Variants in PCNX3 observed in about 807,000 individuals in gnomAD.
PCNX3 encodes the protein pecanex-like protein 3.
PCNX3 carries 58 observed loss-of-function variants against 207.2 expected under a neutral mutation model. The observed-to-expected ratio is 0.28, with a 90% CI of 0.23 to 0.35. PCNX3 has a LOEUF of 0.35. Ranked by LOEUF, PCNX3 falls within the 10% of genes least tolerant of loss-of-function variation. PCNX3 has a pLI of 1.00. For synonymous variants in PCNX3, 1,337 were observed against 1,183.5 expected, an observed-to-expected ratio of 1.13 and a Z score of -2.66; for missense variants, 2,410 against 2,774.4, an observed-to-expected ratio of 0.87 and a Z score of 2.95.
rs1311884471 is a variant in PCNX3 at position 65,625,345 on chromosome 11, C to T, written c.3030-60C>T. The T allele has an allele frequency of 6.3e-7, 1 of 1,593,396 alleles. No homozygotes were observed. The highest frequency in any genetic ancestry group is 1.7e-5 in the Admixed American group (1 of 59,714). ...AGGGGTTTGTGGTCTGTGCATGTGCCCGTGACTGGGGCCGGGGGGAAGGAG... is the reference window on the plus strand; with the variant it reads ...AGGGGTTTGTGGTCTGTGCATGTGCTCGTGACTGGGGCCGGGGGGAAGGAG... On this transcript the variant is annotated intron_variant, in intron 17 of 34. Transcript: ENST00000355703. This position sits in a 1 kb window ranked among gnomAD's most constrained non-coding sequence, Gnocchi z 5.6.
rs918707825 is a variant in PCNX3 at position 65,625,550 on chromosome 11, A to G, written c.3135+40A>G. On this transcript the variant is annotated intron_variant, in intron 18 of 34. Coordinates refer to ENST00000355703, the MANE Select transcript of PCNX3 (RefSeq NM_032223.4). This position sits in a 1 kb window ranked among gnomAD's most constrained non-coding sequence, Gnocchi z 5.6. ...GGTGGGGGTCTGTGGGGAGGTGGTGACAGGTCCTGGGGTTCCTGGGAGGGG... is the reference window on the plus strand; with the variant it reads ...GGTGGGGGTCTGTGGGGAGGTGGTGGCAGGTCCTGGGGTTCCTGGGAGGGG... 6.4e-7 allele frequency: 1 copy of G among 1,570,646 alleles called. No individual in the cohort carries two copies. Among genetic ancestry groups the G allele is most frequent in the African/African-American group, 1.3e-5 (1 of 74,198 alleles).
rs757303100 is a variant in PCNX3 at position 65,616,807 on chromosome 11, C to T, written c.154-17C>T. ...CGAGGCTTTGTGAAAAGGGACCTGG[C>T]TTACTTTCATCTTCAGGTCCTGCCT... is the stretch of plus-strand genomic sequence containing the variant. On this transcript the variant is annotated splice_polypyrimidine_tract_variant and intron_variant, in intron 1 of 34. Coordinates refer to ENST00000355703, the MANE Select transcript of PCNX3 (RefSeq NM_032223.4). The T allele has an allele frequency of 6.9e-6, 11 of 1,603,976 alleles. No homozygotes were observed. The highest frequency in any genetic ancestry group is 5.5e-5 in the South Asian group (5 of 90,738).
In PCNX3 at chr11:65,635,424, C is replaced by T; in HGVS notation, c.5160C>T (p.Arg1720=). 6.2e-7 allele frequency: 1 copy of T among 1,611,612 alleles called. No homozygotes were observed. The highest frequency in any genetic ancestry group is 8.5e-7 in the Non-Finnish European group (1 of 1,179,616). The change falls in exon 31 of 35, where the codon CGC becomes CGT. Residue 1720 remains arginine (R), a synonymous_variant. Coordinates refer to ENST00000355703, the MANE Select transcript of PCNX3 (RefSeq NM_032223.4). The surrounding 1 kb of genome is among the most constrained non-coding windows in gnomAD (Gnocchi z 9.9). The part of the protein sequence containing the change: ...DEYKIIMLNR[R]HLSFRVIKVN... ...ACAAGATCATCATGCTCAACCGGCG[C>T]CACCTCAGCTTCCGAGTCATCAAGG...
intron 11 of PCNX3, 111 bp downstream of exon 11, chr11:65,622,477 G>A: frequency 7.5e-7 from 1 of 1,332,900 alleles, no homozygotes; most frequent in Non-Finnish European, 1.0e-6. Context: ...TGACTCGGGG[G>A]AAGCTGAGGG....
chr11:65,621,461 C>T (rs1002775821), intron 10 of PCNX3, among the ~76,000 whole-genome samples: 1 of 152,212 alleles, frequency 6.6e-6, no homozygotes, highest in African/African-American at 2.4e-5. Context: ...ACACCAGAAG[C>T]GCTAAAAATG....
chr11:65,623,989 G>C (rs778851383), intron 13 of PCNX3, 28 bp downstream of exon 13: 8 of 1,609,272 alleles, frequency 5.0e-6, no homozygotes, highest in Non-Finnish European at 6.8e-6. Context: ...AGCGCCTCTG[G>C]CCAGGAGGCC....
chr11:65,619,121 G>T, intron 6 of PCNX3, 54 bp downstream of exon 6: 2 of 1,431,414 alleles, frequency 1.4e-6, no homozygotes, highest in Non-Finnish European at 9.5e-7. Context: ...CGGGCTTGGG[G>T]TTGGGCAAAG....
chr11:65,636,812 A>G lies in PCNX3; in HGVS notation c.5939A>G (p.Asp1980Gly), dbSNP rs1449981413. ...AGCCTCAGCCTCAGCCTCAGCCCCG[A>G]TGTCAGCACTGAGGCCTCACCCCCC... ...SLSLSLSLSPDVSTEASPPRA... is the reference protein window; with the variant it reads ...SLSLSLSLSPGVSTEASPPRA... Residue 1980 changes from aspartate to glycine, a missense_variant, in exon 35 of 35, where the codon GAT (aspartate) becomes GGT (glycine). Asp to Gly is a moderately conservative substitution (Grantham distance 94). Around this residue, in one of 8 missense-constraint regions of PCNX3, gnomAD observed 278 missense variants for 245.1 expected, o/e 1.13. Coordinates refer to ENST00000355703, the MANE Select transcript of PCNX3 (RefSeq NM_032223.4). 6.5e-7 allele frequency: 1 copy of G among 1,543,066 alleles called. No homozygotes were observed. The highest frequency in any genetic ancestry group is 1.4e-5 in the African/African-American group (1 of 69,790).
At chr11:65,620,706 G>A in intron 9 of PCNX3, 125 bp from the exon 10 acceptor site, 2 of 1,322,406 alleles carry the variant, frequency 1.5e-6, no homozygotes, top group Non-Finnish European at 2.1e-6. Context: ...CCCAGCACTT[G>A]TCCCTTGAGC....
At position 65,619,921 on chromosome 11, in the gene PCNX3, A is replaced by G. The variant is rs1854992628; in HGVS notation, c.1997A>G (p.Tyr666Cys). 1 of 1,604,846 alleles carries G rather than the reference A, an allele frequency of 6.2e-7. No individual in the cohort carries two copies. The highest frequency in any genetic ancestry group is 1.7e-5 in the Admixed American group (1 of 59,568). ...DTSEGAVHYF[Y>C]DESGVRRSYT... is the part of the protein sequence containing the mutation. ...TCTGAGGGTGCTGTGCACTATTTCT[A>G]CGATGAGAGCGGTGAGCCTTTCCCA... Residue 666 changes from tyrosine (Y) to cysteine (C), a missense_variant, in exon 8 of 35, where the codon TAC becomes TGC. By Grantham distance (194) the Tyr-to-Cys change is radical. Transcript: ENST00000355703.
intron 27 of PCNX3, among the ~76,000 whole-genome samples, chr11:65,630,871 C>T (rs1255297995): frequency 6.6e-6 from 1 of 152,198 alleles, no homozygotes; most frequent in African/African-American, 2.4e-5. Flanking sequence ...GTTGCAGAGG[C>T]CAGCCTTTGA....
rs1400623382 is a variant in PCNX3, at chr11:65,634,368, C to T, written c.4701+12C>T. On this transcript the variant is annotated intron_variant, in intron 28 of 34. Transcript: ENST00000355703. ...CCCGGCGCAGCCAGGTCAGGCTCCACTACCTGAGGCTGCCACCTGGGGCTG... is the reference window on the plus strand; with the variant it reads ...CCCGGCGCAGCCAGGTCAGGCTCCATTACCTGAGGCTGCCACCTGGGGCTG... 3 of 1,562,738 alleles carry T rather than the reference C, an allele frequency of 1.9e-6. No homozygotes were observed. The East Asian group carries it at 7.1e-5, about 37-fold the overall frequency.
Position 65,629,666 on chromosome 11 carries a change from G to A in PCNX3, c.4147G>A (p.Ala1383Thr). 2.5e-6 allele frequency: 4 copies of A among 1,580,702 alleles called. No homozygotes were observed. Among genetic ancestry groups the A allele is most frequent in the Non-Finnish European group, 3.4e-6 (4 of 1,163,522 alleles). ...CGTCCTGGCCTCTGACTACCTCAACGCCCTGGTGCACCTCATCGAGGTTGG... is the reference window on the plus strand; with the variant it reads ...CGTCCTGGCCTCTGACTACCTCAACACCCTGGTGCACCTCATCGAGGTTGG... ...CFVLASDYLN[A>T]LVHLIEVGNG... is the part of the protein sequence containing the mutation. The change falls in exon 26 of 35, where the codon GCC becomes ACC. Residue 1383 changes from alanine (A) to threonine (T), a missense_variant. Transcript: ENST00000355703.
At chr11:65,619,714 A>G (rs1454578155) in intron 7 of PCNX3, 40 bp from the exon 8 acceptor site, 2 of 1,564,344 alleles carry the variant, frequency 1.3e-6, no homozygotes, top group South Asian at 1.2e-5. Context: ...GAGGGCCCGC[A>G]AGCTCTAGCT....
chr11:65,619,159 T>A, intron 6 of PCNX3, 92 bp downstream of exon 6: 1 of 1,065,912 alleles, frequency 9.4e-7, no homozygotes, highest in Non-Finnish European at 1.4e-6. Flanking sequence ...CTGGTCAGTG[T>A]CAGCTCAGCC....
chr11:65,626,255 T>A, intron 20 of PCNX3: 1 of 768,490 alleles, frequency 1.3e-6, no homozygotes, highest in Non-Finnish European at 2.2e-6. Flanking sequence ...TGCCCTGCTG[T>A]GCCCTTCCCT....
Position 65,625,220 on chromosome 11 carries a change from G to T in PCNX3, c.2969G>T (p.Gly990Val). The change falls in exon 17 of 35, where the codon GGC (glycine) becomes GTC (valine). Residue 990 changes from glycine (G) to valine (V), a missense_variant. Transcript: ENST00000355703. This position sits in a 1 kb window ranked among gnomAD's most constrained non-coding sequence, Gnocchi z 5.6. The stretch of plus-strand genomic sequence containing the variant: ...CCTGTCCTCTTCTCAGTCTTCTGTG[G>T]CCTCCTGGTGGCACTGTCCTACCAC... ...HVPVLFSVFC[G>V]LLVALSYHLS... 6.2e-7 allele frequency: 1 copy of T among 1,611,146 alleles called. No individual in the cohort carries two copies.
In PCNX3 at chr11:65,618,770, G is replaced by A. The variant is rs1277021274; in HGVS notation, c.1408G>A (p.Ala470Thr). ...AGCAGGGGGACCCCGGAAGCGGAGG[G>A]CCCCCCATGGGGCTGAGGAGGGAAC... ...GAAGGPRKRRAPHGAEEGTAV... is the reference protein window; with the variant it reads ...GAAGGPRKRRTPHGAEEGTAV... Residue 470 changes from alanine (A) to threonine (T), a missense_variant, in exon 6 of 35, where the codon GCC becomes ACC. Around this residue, in one of 8 missense-constraint regions of PCNX3, gnomAD observed 1,104 missense variants for 970.3 expected, o/e 1.14. Transcript: ENST00000355703. 2.5e-6 allele frequency: 4 copies of A among 1,611,224 alleles called. No homozygotes were observed. Among genetic ancestry groups the A allele is most frequent in the Non-Finnish European group, 3.4e-6 (4 of 1,179,200 alleles).
chr11:65,628,481 C>T (rs1855491252), intron 22 of PCNX3, 114 bp from the exon 23 acceptor site: 1 of 977,964 alleles, frequency 1.0e-6, no homozygotes, highest in East Asian at 2.6e-5. Flanking sequence ...TTGAGTTTGG[C>T]CCCCGTGGGC....
Sources: allele counts gnomAD v4.1 joint callset (sites outside exome capture counted in the v4.1 genomes callset), GRCh38; gene constraint gnomAD v4.1.1; regional missense constraint gnomAD v4.1.1; non-coding constraint Gnocchi (gnomAD v3.1); transcripts MANE v1.5; gene names NCBI Gene and HGNC (gene_info 2026-07-23, HGNC 2026-07-21).